CCDC102B: variants seen among roughly 807,000 people sequenced by gnomAD.
CCDC102B encodes coiled-coil domain containing 102B.
In CCDC102B, 75 loss-of-function variants were observed where a neutral mutation model predicts 57.4. That is an observed-to-expected ratio of 1.31 (90% CI 1.08 to 1.58). The LOEUF is 1.58. CCDC102B is among the 40% of genes most tolerant of loss of function. The pLI is 0.00. For synonymous variants in CCDC102B, 206 were observed against 201.9 expected, an observed-to-expected ratio of 1.02 and a Z score of -0.17; for missense variants, 636 against 582.6, an observed-to-expected ratio of 1.09 and a Z score of -0.94.
At chr18:68,992,499 AATG>A (rs1212921775) in intron 6 of CCDC102B, among the ~76,000 whole-genome samples, 2 of 152,306 alleles carry the variant, frequency 1.3e-5, no homozygotes, top group Admixed American at 6.5e-5. Flanking sequence ...TTCAATGAAC[AATG>A]ATCCAAGTGT....
chr18:68,753,782 G>C (rs186254699), intron 2 of CCDC102B: 2 of 151,376 alleles, frequency 1.3e-5, no homozygotes, highest in Admixed American at 1.3e-4. Context: ...GGCTGGTTTC[G>C]AACTCCTGGG....
At chr18:68,917,058 A>G (rs565250718) in intron 6 of CCDC102B, among the ~76,000 whole-genome samples, 3 of 152,344 alleles carry the variant, frequency 2.0e-5, no homozygotes, top group South Asian at 4.1e-4. Context: ...GCCTGGAATC[A>G]GAGCTCCAGG....
At chr18:68,882,588 AG>A (rs2039730533) in intron 5 of CCDC102B, among the ~76,000 whole-genome samples, 1 of 152,258 alleles carries the variant, frequency 6.6e-6, no homozygotes, top group Admixed American at 6.5e-5. Flanking sequence ...CTCCTAAATA[AG>A]CCAAGAATGT....
chr18:68,829,169 C>A (rs139172976), intron 1 of CCDC102B, among the ~76,000 whole-genome samples: 2 of 151,916 alleles, frequency 1.3e-5, no homozygotes, highest in African/African-American at 4.8e-5. Flanking sequence ...TAAATCTTAC[C>A]CTTTGGTCAT....
chr18:68,741,687 ACACACACACACACACACACACACACACC>A (rs1224133720), intron 2 of CCDC102B, among the ~76,000 whole-genome samples: 1 of 146,982 alleles, frequency 6.8e-6, no homozygotes, highest in African/African-American at 2.6e-5. Context: ...ACACACACAC[ACACACACACACACACACACACACACACC>A]CCAAGACAAT....
At position 68,979,259 on chromosome 18, in the gene CCDC102B, AT is replaced by A. The variant is rs34076622; in HGVS notation, c.1264-31671del. ...CATGCTATTCAGTGGTACTGAAAGCATTTTCAAATAGGCAAACAGGTTAGTA... is the reference window on the plus strand; with the variant it reads ...CATGCTATTCAGTGGTACTGAAAGCATTTCAAATAGGCAAACAGGTTAGTA... On this transcript the variant is annotated intron_variant, in intron 6 of 7. Transcript: ENST00000360242. 1.0e-2 allele frequency among the ~76,000 whole-genome samples: 1,519 copies of A among 152,186 alleles called. 7 individuals carry two copies. Among genetic ancestry groups the A allele is most frequent in the Non-Finnish European group, 0.015 (1,045 of 67,960 alleles).
intron 6 of CCDC102B, among the ~76,000 whole-genome samples, chr18:68,957,006 C>T (rs536143520): frequency 6.6e-6 from 1 of 151,922 alleles, no homozygotes; most frequent in African/African-American, 2.4e-5. Flanking sequence ...GTTGTTTGAG[C>T]TCCTTATATT....
At chr18:68,762,268 C>T (rs2034277406) in intron 2 of CCDC102B, among the ~76,000 whole-genome samples, 1 of 152,020 alleles carries the variant, frequency 6.6e-6, no homozygotes, top group Non-Finnish European at 1.5e-5. Flanking sequence ...ACCACTTTGT[C>T]CTCTATTTAC....
At chr18:68,965,609 A>G (rs1411833989) in intron 6 of CCDC102B, among the ~76,000 whole-genome samples, 1 of 151,262 alleles carries the variant, frequency 6.6e-6, no homozygotes, top group African/African-American at 2.4e-5. Context: ...TGAAAGTATA[A>G]AAAATTATAT....
At chr18:68,882,154 G>T (rs1365305824) in intron 5 of CCDC102B, among the ~76,000 whole-genome samples, 1 of 152,112 alleles carries the variant, frequency 6.6e-6, no homozygotes, top group Non-Finnish European at 1.5e-5. Context: ...TTTGCATGTT[G>T]CGCTTTAGCC....
chr18:68,782,225 C>T (rs2035028420), intron 2 of CCDC102B, among the ~76,000 whole-genome samples: 1 of 151,968 alleles, frequency 6.6e-6, no homozygotes, highest in African/African-American at 2.4e-5. Context: ...CCGCTTATCA[C>T]CCAAAAGTTT....
intron 1 of CCDC102B, among the ~76,000 whole-genome samples, chr18:68,828,315 C>A (rs2144758910): frequency 2.4e-5 from 2 of 82,966 alleles, no homozygotes; most frequent in Admixed American, 1.9e-4. Flanking sequence ...GGTACATACC[C>A]TATTTACAAA....
intron 7 of CCDC102B, among the ~76,000 whole-genome samples, chr18:69,021,549 G>A (rs2145420544): frequency 6.6e-6 from 1 of 152,300 alleles, no homozygotes; most frequent in Admixed American, 6.5e-5. Flanking sequence ...CCAAAGGAGA[G>A]CTTTTTAACG....
chr18:68,865,227 A>G (rs982581916), intron 4 of CCDC102B, among the ~76,000 whole-genome samples: 1 of 152,112 alleles, frequency 6.6e-6, no homozygotes, highest in African/African-American at 2.4e-5. Flanking sequence ...TGCCAACTTC[A>G]GGGTTCTCAT....
intron 6 of CCDC102B, among the ~76,000 whole-genome samples, chr18:68,934,228 A>G (rs979341034): frequency 1.3e-5 from 2 of 151,918 alleles, no homozygotes; most frequent in African/African-American, 4.8e-5. Context: ...TTATCTACCT[A>G]AAGTAGTTGT....
intron 4 of CCDC102B, among the ~76,000 whole-genome samples, chr18:68,868,441 A>G (rs1221676647): frequency 6.6e-6 from 1 of 152,174 alleles, no homozygotes; most frequent in African/African-American, 2.4e-5. Flanking sequence ...TTTTGAAGCA[A>G]TGATCCAAGG....
At chr18:68,853,703 T>C (rs917852210) in intron 4 of CCDC102B, among the ~76,000 whole-genome samples, 1 of 49,530 alleles carries the variant, frequency 2.0e-5, no homozygotes, top group Non-Finnish European at 5.0e-5. Context: ...AAAAAAAAAA[T>C]CTGACTCAAT....
At chr18:68,863,820 A>G (rs538140593) in intron 4 of CCDC102B, among the ~76,000 whole-genome samples, 2 of 152,060 alleles carry the variant, frequency 1.3e-5, no homozygotes, top group South Asian at 2.1e-4. Flanking sequence ...AAAAGCTACC[A>G]TATTTAGAAC....
chr18:68,971,429 A>G (rs2050298074), intron 6 of CCDC102B, among the ~76,000 whole-genome samples: 1 of 152,138 alleles, frequency 6.6e-6, no homozygotes, highest in African/African-American at 2.4e-5. Context: ...ATTGTTCTTC[A>G]GGAAAATGAA....
Sources: gnomAD v4.1 joint callset for allele counts (sites outside exome capture counted in the v4.1 genomes callset) on GRCh38, gnomAD v4.1.1 for gene constraint, MANE v1.5 for transcripts, NCBI Gene and HGNC (gene_info 2026-07-23, HGNC 2026-07-21) for gene names.